Variants in CSTPP1 observed in about 807,000 individuals in gnomAD.
The protein encoded by CSTPP1 is centriolar satellite-associated tubulin polyglutamylase complex regulator 1.
chr11:47,002,340 C>G, the CSTPP1 span, among the ~76,000 whole-genome samples: 1 of 152,188 alleles, frequency 6.6e-6, no homozygotes, highest in South Asian at 2.1e-4. Context: ...AGCAAAAAGA[C>G]TACAGGGAGC....
chr11:47,035,942 C>A, the CSTPP1 span, among the ~76,000 whole-genome samples: 1 of 148,724 alleles, frequency 6.7e-6, no homozygotes. Context: ...CATGTATCTG[C>A]TCATCTGAGA....
the CSTPP1 span, among the ~76,000 whole-genome samples, chr11:46,975,048 CTG>C: frequency 3.0e-5 from 1 of 33,838 alleles, no homozygotes; most frequent in Non-Finnish European, 2.7e-4. Flanking sequence ...TTTGGGGAGG[CTG>C]AGGCAGGAGG....
chr11:47,155,063 A>C, the CSTPP1 span: 3 of 857,428 alleles, frequency 3.5e-6, no homozygotes, highest in Admixed American at 1.8e-5. Flanking sequence ...GCCCAGGAAC[A>C]GCTCTCTCTC....
the CSTPP1 span, among the ~76,000 whole-genome samples, chr11:46,940,536 C>T: frequency 6.6e-6 from 1 of 152,096 alleles, no homozygotes; most frequent in Non-Finnish European, 1.5e-5. Context: ...GGATTTTTTT[C>T]AATCTAAGTG....
chr11:47,155,258 T>C, the CSTPP1 span: 2 of 1,613,058 alleles, frequency 1.2e-6, no homozygotes, highest in African/African-American at 1.3e-5. Context: ...GTTTTACTAC[T>C]CAGGTGAGTG....
chr11:47,021,766 T>TA, the CSTPP1 span, among the ~76,000 whole-genome samples: 2 of 152,190 alleles, frequency 1.3e-5, no homozygotes, highest in Admixed American at 1.3e-4. Flanking sequence ...TCAAGAAAGA[T>TA]AAAGTGATTC....
the CSTPP1 span, among the ~76,000 whole-genome samples, chr11:47,005,641 T>C: frequency 2.0e-5 from 3 of 152,172 alleles, no homozygotes; most frequent in Non-Finnish European, 4.4e-5. Context: ...GAAAGCACCA[T>C]AACATAGTGG....
At chr11:47,143,884 A>T in the CSTPP1 span, among the ~76,000 whole-genome samples, 2 of 152,218 alleles carry the variant, frequency 1.3e-5, no homozygotes, top group African/African-American at 2.4e-5. Flanking sequence ...AAGGAGAAGT[A>T]TATGATGTGC....
At chr11:46,956,797 C>G in the CSTPP1 span, among the ~76,000 whole-genome samples, 5 of 151,776 alleles carry the variant, frequency 3.3e-5, no homozygotes, top group Non-Finnish European at 7.4e-5. Flanking sequence ...TCTTATACTA[C>G]TCAATTTCCC....
chr11:47,132,170 T>C, the CSTPP1 span, among the ~76,000 whole-genome samples: 3 of 152,162 alleles, frequency 2.0e-5, no homozygotes, highest in East Asian at 5.8e-4. Flanking sequence ...ACTCCTGGTT[T>C]CTCCTCATAC....
At chr11:47,052,277 G>A in the CSTPP1 span, 2 of 1,354,630 alleles carry the variant, frequency 1.5e-6, no homozygotes, top group South Asian at 1.5e-5. Flanking sequence ...TTTTGTTGGG[G>A]AGAAAAATTC....
At chr11:47,161,190 T>C in the CSTPP1 span, 1 of 1,614,170 alleles carries the variant, frequency 6.2e-7, no homozygotes, top group Non-Finnish European at 8.5e-7. Flanking sequence ...CTGGAACGGC[T>C]GTAAGTGTCA....
chr11:46,951,878 A>G, the CSTPP1 span, among the ~76,000 whole-genome samples: 4 of 152,176 alleles, frequency 2.6e-5, no homozygotes, highest in East Asian at 5.8e-4. Context: ...CTATTAATTA[A>G]TAAGAAGACA....
the CSTPP1 span, among the ~76,000 whole-genome samples, chr11:47,065,606 G>C: frequency 6.6e-6 from 1 of 152,040 alleles, no homozygotes; most frequent in African/African-American, 2.4e-5. Context: ...TAGTTTTCAA[G>C]TATACAAGTC....
chr11:47,095,169 A>C, the CSTPP1 span, among the ~76,000 whole-genome samples: 3 of 152,200 alleles, frequency 2.0e-5, no homozygotes, highest in African/African-American at 7.2e-5. Flanking sequence ...TTTTTAGTTC[A>C]GCCTGAAGAG....
the CSTPP1 span, chr11:47,159,951 C>T: frequency 1.8e-5 from 6 of 329,376 alleles, no homozygotes; most frequent in East Asian, 3.3e-4. Context: ...TTGCAGTGAG[C>T]CAAGATCGCA....
the CSTPP1 span, among the ~76,000 whole-genome samples, chr11:47,108,106 C>T: frequency 1.3e-5 from 2 of 152,274 alleles, no homozygotes; most frequent in African/African-American, 4.8e-5. Flanking sequence ...ATACTCAGCA[C>T]TCGTTTATAG....
chr11:47,116,675 G>GTTTTTTTTTT, the CSTPP1 span, among the ~76,000 whole-genome samples: 2 of 83,908 alleles, frequency 2.4e-5, 1 homozygote, highest in Non-Finnish European at 4.2e-5. Flanking sequence ...TGCTTGGTAG[G>GTTTTTTTTTT]TTTTTTTTTT....
the CSTPP1 span, among the ~76,000 whole-genome samples, chr11:47,013,022 A>G: frequency 6.1e-5 from 9 of 147,202 alleles, no homozygotes; most frequent in African/African-American, 1.2e-4. Context: ...TATATAAATA[A>G]TAACTATATA....
Sources: allele counts gnomAD v4.1 joint callset (sites outside exome capture counted in the v4.1 genomes callset), GRCh38; gene constraint gnomAD v4.1.1; transcripts MANE v1.5; gene names NCBI Gene and HGNC (gene_info 2026-07-23, HGNC 2026-07-21).